Variants in CDKAL1 observed in about 807,000 individuals in gnomAD.
CDKAL1 encodes CDKAL1 threonylcarbamoyladenosine tRNA methylthiotransferase.
CDKAL1 carries 32 observed loss-of-function variants against 68.2 expected under a neutral mutation model. The observed-to-expected ratio is 0.47, with a 90% confidence interval of 0.35 to 0.63. The LOEUF is 0.63. Among genes scored for constraint, CDKAL1 ranks in the 30% least tolerant of loss-of-function variants. The pLI is 0.00. For missense variants in CDKAL1, 606 were observed against 696.7 expected, an observed-to-expected ratio of 0.87 and a Z score of 1.47; for synonymous variants, 234 against 244.3, an observed-to-expected ratio of 0.96 and a Z score of 0.39.
rs534812990 is a variant in CDKAL1, at chr6:20,627,857, T to G, written c.287-21436T>G. ...TTTTCTTTGGCACAAAGAAGTATAA[T>G]TGGAATGGCATTTGCCTTTTAAAAT... is the stretch of plus-strand genomic sequence containing the variant. On this transcript the variant is annotated intron_variant, in intron 4 of 15. Coordinates refer to ENST00000274695, the MANE Select transcript of CDKAL1 (RefSeq NM_017774.3). Among the ~76,000 whole-genome samples, 220 of 152,298 alleles carry G rather than the reference T, an allele frequency of 1.4e-3. 1 individual carries two copies. The highest frequency in any genetic ancestry group is 5.1e-3 in the African/African-American group (214 of 41,576).
intron 4 of CDKAL1, among the ~76,000 whole-genome samples, chr6:20,587,415 A>G (rs1765417553): frequency 6.6e-6 from 1 of 152,140 alleles, no homozygotes. Context: ...TTAGGTTTAT[A>G]TGATAATCTT....
intron 13 of CDKAL1, among the ~76,000 whole-genome samples, chr6:21,137,259 A>G (rs1280664181): frequency 2.6e-5 from 4 of 152,174 alleles, no homozygotes; most frequent in Admixed American, 2.6e-4. Flanking sequence ...CCAATTATTT[A>G]ATTTTGAGTT....
chr6:20,548,120 C>A (rs543690791), intron 3 of CDKAL1, among the ~76,000 whole-genome samples: 21 of 152,254 alleles, frequency 1.4e-4, no homozygotes, highest in African/African-American at 4.8e-4. Flanking sequence ...ACTTTTGATA[C>A]AACAACAGAT....
intron 9 of CDKAL1, among the ~76,000 whole-genome samples, chr6:20,857,611 T>C (rs1015506473): frequency 6.6e-6 from 1 of 152,180 alleles, no homozygotes; most frequent in Non-Finnish European, 1.5e-5. Context: ...GCCCAGGAAT[T>C]TGCATTTTTC....
chr6:20,887,303 C>G (rs1044230914), intron 9 of CDKAL1, among the ~76,000 whole-genome samples: 2 of 152,088 alleles, frequency 1.3e-5, no homozygotes, highest in African/African-American at 4.8e-5. Context: ...ATCCTGTAAT[C>G]CAGCAATTCT....
intron 13 of CDKAL1, among the ~76,000 whole-genome samples, chr6:21,190,364 G>GTT (rs1308254985): frequency 6.6e-6 from 1 of 150,948 alleles, no homozygotes; most frequent in Non-Finnish European, 1.5e-5. Flanking sequence ...TATGTGTGGG[G>GTT]TTTTTTTTGT....
chr6:20,935,949 G>A (rs1039775713), intron 9 of CDKAL1, among the ~76,000 whole-genome samples: 2 of 151,918 alleles, frequency 1.3e-5, no homozygotes, highest in Admixed American at 6.6e-5. Context: ...TTCTTTCCTC[G>A]GAGACAAATG....
chr6:20,974,047 A>C (rs969304438), intron 10 of CDKAL1, among the ~76,000 whole-genome samples: 2 of 152,240 alleles, frequency 1.3e-5, no homozygotes, highest in Non-Finnish European at 2.9e-5. Flanking sequence ...AGGCCCCAAA[A>C]TATGGTGGCT....
chr6:20,592,065 T>A (rs1003493758), intron 4 of CDKAL1, among the ~76,000 whole-genome samples: 1 of 152,192 alleles, frequency 6.6e-6, no homozygotes, highest in Non-Finnish European at 1.5e-5. Flanking sequence ...GGTTTGTAGT[T>A]CTCCTTGAAG....
chr6:20,611,325 C>T (rs532137672), intron 4 of CDKAL1, among the ~76,000 whole-genome samples: 1 of 152,222 alleles, frequency 6.6e-6, no homozygotes, highest in East Asian at 1.9e-4. Context: ...TTCTGGCAAT[C>T]CTGTTATATG....
chr6:20,888,541 C>T (rs554832851), intron 9 of CDKAL1, among the ~76,000 whole-genome samples: 368 of 106,996 alleles, frequency 3.4e-3, no homozygotes, highest in Middle Eastern at 7.7e-3. Context: ...CCACAACAGT[C>T]CCCGGTGTGT....
At chr6:20,593,528 A>AT (rs1459365223) in intron 4 of CDKAL1, among the ~76,000 whole-genome samples, 4 of 147,322 alleles carry the variant, frequency 2.7e-5, no homozygotes, top group Non-Finnish European at 6.0e-5. Flanking sequence ...CCCCTTTATC[A>AT]TTTTTTATTG....
rs34456723 is a variant in CDKAL1 at position 21,192,810 on chromosome 6, CTTTTTTTTTTT to C, written c.1300-5200_1300-5190del. Among the ~76,000 whole-genome samples the C allele has an allele frequency of 4.8e-5, 6 of 124,856 alleles. No homozygotes were observed. The South Asian group carries it at 1.6e-3, about 33-fold the overall frequency. The allele number at this position is 124,856 out of a possible 152,430, so 81.9% of individuals were successfully genotyped here. A position where few individuals can be genotyped will look rare whatever the true frequency, so the allele number is the denominator to read the frequency against. On this transcript the variant is annotated intron_variant, in intron 13 of 15. Coordinates refer to ENST00000274695, the MANE Select transcript of CDKAL1 (RefSeq NM_017774.3). The stretch of plus-strand genomic sequence containing the variant: ...CAAGAAAATACTTTGTTGAGAGTTC[CTTTTTTTTTTT>C]TTTTTTTTTTAGAGATAGGATCTTT...
At chr6:21,122,257 G>T (rs1193960833) in intron 13 of CDKAL1, among the ~76,000 whole-genome samples, 1 of 152,110 alleles carries the variant, frequency 6.6e-6, no homozygotes, top group Non-Finnish European at 1.5e-5. Context: ...TACAAATCAC[G>T]TGGTCTTGGA....
intron 10 of CDKAL1, among the ~76,000 whole-genome samples, chr6:20,970,215 C>T (rs1765523555): frequency 6.6e-6 from 1 of 152,102 alleles, no homozygotes; most frequent in Non-Finnish European, 1.5e-5. Flanking sequence ...CCTCAAGTGG[C>T]TTCCAGGCTG....
At chr6:21,109,815 T>TAACAAC (rs1351357573) in intron 13 of CDKAL1, among the ~76,000 whole-genome samples, 1 of 152,144 alleles carries the variant, frequency 6.6e-6, no homozygotes, top group Non-Finnish European at 1.5e-5. Flanking sequence ...AGTTAACATT[T>TAACAAC]AACAACAACA....
chr6:20,845,294 G>A (rs1248710539), intron 8 of CDKAL1, among the ~76,000 whole-genome samples: 1 of 151,866 alleles, frequency 6.6e-6, no homozygotes, highest in East Asian at 1.9e-4. Context: ...TTTTGATATA[G>A]GACTATTTTT....
At chr6:20,657,781 A>C (rs4710940) in intron 5 of CDKAL1, among the ~76,000 whole-genome samples, 68,772 of 152,010 alleles carry the variant, frequency 0.45, 17,315 homozygotes, top group African/African-American at 0.69. Context: ...TAAGAATTTT[A>C]AGTAGCAAAA....
At chr6:21,135,427 A>G (rs1775542481) in intron 13 of CDKAL1, among the ~76,000 whole-genome samples, 1 of 152,142 alleles carries the variant, frequency 6.6e-6, no homozygotes, top group Non-Finnish European at 1.5e-5. Context: ...TGCTACATTC[A>G]TGAGAGTATG....
Sources: allele counts gnomAD v4.1 joint callset (sites outside exome capture counted in the v4.1 genomes callset), GRCh38; gene constraint gnomAD v4.1.1; transcripts MANE v1.5; gene names NCBI Gene and HGNC (gene_info 2026-07-23, HGNC 2026-07-21).